Variants in RBM42 observed in about 807,000 individuals in gnomAD.
RBM42 encodes RNA-binding protein 42.
In RBM42, 21 loss-of-function variants were observed where a neutral mutation model predicts 41.4. The observed-to-expected ratio is 0.51, with a 90% CI of 0.36 to 0.73. The LOEUF is 0.73. RBM42 is among the 30% of genes least tolerant of loss of function. The pLI, the probability that RBM42 is intolerant of heterozygous loss-of-function variation, is 0.00. For missense variants in RBM42, 539 were observed against 680.4 expected, an observed-to-expected ratio of 0.79 and a Z score of 2.31; for synonymous variants, 272 against 271.2, an observed-to-expected ratio of 1.00 and a Z score of -0.03.
intron 8 of RBM42, among the ~76,000 whole-genome samples, chr19:35,636,297 T>C (rs1230253663): frequency 1.3e-5 from 2 of 152,130 alleles, no homozygotes; most frequent in African/African-American, 4.8e-5. Context: ...TAGCTGGGAT[T>C]ACAGGCACCC....
At chr19:35,631,468 T>A (rs1185971401) in intron 4 of RBM42, 63 bp downstream of exon 4, 1 of 1,486,708 alleles carries the variant, frequency 6.7e-7, no homozygotes, top group Admixed American at 1.8e-5. Context: ...GACTTCAGCC[T>A]CTTGCCTAAA....
intron 2 of RBM42, among the ~76,000 whole-genome samples, chr19:35,630,501 C>T (rs955017031): frequency 5.3e-5 from 8 of 152,108 alleles, no homozygotes; most frequent in Non-Finnish European, 1.0e-4. Flanking sequence ...GGCACGGTTG[C>T]TCACGCCTGT....
chr19:35,632,913 ACC>A, intron 4 of RBM42, 21 bp from the exon 5 acceptor site: 2 of 1,093,324 alleles, frequency 1.8e-6, no homozygotes, highest in Non-Finnish European at 2.8e-6. Flanking sequence ...CATGACACAC[ACC>A]CCCATCTCTC....
rs1267420358 is a variant in RBM42, at chr19:35,637,273, C to T, written c.1251C>T (p.Arg417=). ...AGGCCAAGGTGATCCGTGACAAGCG[C>T]ACAGGCAAGACCAAGGGCTACGGCT... ...FLKAKVIRDK[R]TGKTKGYGFV... The change falls in exon 9 of 10, where the codon CGC becomes CGT. Residue 417 remains arginine, a synonymous_variant. Coordinates refer to ENST00000262633, the MANE Select transcript of RBM42 (RefSeq NM_024321.5). This position sits in a 1 kb window ranked among gnomAD's most constrained non-coding sequence, Gnocchi z 7.0. 4 of 1,614,106 alleles carry T rather than the reference C, an allele frequency of 2.5e-6. No individual in the cohort carries two copies. The highest frequency in any genetic ancestry group is 2.7e-5 in the African/African-American group (2 of 74,938).
chr19:35,635,578 C>T (rs892761575), intron 8 of RBM42, among the ~76,000 whole-genome samples: 8 of 145,254 alleles, frequency 5.5e-5, no homozygotes, highest in Admixed American at 2.8e-4. Context: ...AGTGCAGTGG[C>T]GCAATCTCGG....
chr19:35,634,086 C>G, intron 7 of RBM42, 67 bp downstream of exon 7: 1 of 1,485,796 alleles, frequency 6.7e-7, no homozygotes, highest in South Asian at 1.3e-5. Context: ...CAGGAACTTC[C>G]ACACAGACAG....
At position 35,631,949 on chromosome 19, in the gene RBM42, A is replaced by G. The variant is rs142860110; in HGVS notation, c.442+544A>G. 484 of 153,442 alleles carry G rather than the reference A, an allele frequency of 3.2e-3. 2 individuals are homozygous for G. Among genetic ancestry groups the G allele is most frequent in the Non-Finnish European group, 4.6e-3 (315 of 69,156 alleles). 9.5% of individuals were successfully genotyped at this position (153,442 alleles called of 1,614,324 possible). A position where few individuals can be genotyped will look rare whatever the true frequency, so the allele number is the denominator to read the frequency against. On this transcript the variant is annotated intron_variant, in intron 4 of 9. Transcript: ENST00000262633. ...TCCCTGCTCACTGTCACCCAGCTGT[A>G]ATCTTCCAGCCATCCTTCCCCCCCA...
rs745531707 is a variant in RBM42 at position 35,633,193 on chromosome 19, C to G, written c.625C>G (p.Pro209Ala). 1.2e-6 allele frequency: 2 copies of G among 1,612,578 alleles called. No homozygotes were observed. The highest frequency in any genetic ancestry group is 8.5e-7 in the Non-Finnish European group (1 of 1,179,258). ...GPPGPPMMLP[P>A]MARAPGPPLG... The stretch of plus-strand genomic sequence containing the variant: ...CCCTGGACCACCCATGATGCTGCCA[C>G]CAATGGCTCGGGCTCCAGGGCCCCC... Residue 209 changes from proline (P) to alanine (A), a missense_variant, in exon 6 of 10, where the codon CCA becomes GCA. Physicochemically the swap from Pro to Ala is conservative, Grantham distance 27. Coordinates refer to ENST00000262633, the MANE Select transcript of RBM42 (RefSeq NM_024321.5).
chr19:35,632,514 A>G lies in RBM42; in HGVS notation c.443-422A>G, dbSNP rs566627845. Among the ~76,000 whole-genome samples, 111 of 152,290 alleles carry G rather than the reference A, an allele frequency of 7.3e-4. No individual in the cohort carries two copies. The Middle Eastern group carries it at 0.02, about 28-fold the overall frequency. On this transcript the variant is annotated intron_variant, in intron 4 of 9. Coordinates refer to ENST00000262633, the MANE Select transcript of RBM42 (RefSeq NM_024321.5). The stretch of plus-strand genomic sequence containing the variant: ...TTCATTGCCCCTTGGGTCTCAGCTC[A>G]CAGGTCCCTTTCTCCAGGAAGCCTT...
At position 35,633,997 on chromosome 19, in the gene RBM42, C is replaced by G; in HGVS notation, c.995C>G (p.Pro332Arg). The G allele has an allele frequency of 6.6e-7, 1 of 1,523,282 alleles. No individual in the cohort carries two copies. The highest frequency in any genetic ancestry group is 8.8e-7 in the Non-Finnish European group (1 of 1,140,818). The allele number at this position is 1,523,282 out of a possible 1,614,324, so 94.4% of individuals were successfully genotyped here. Residue 332 changes from proline to arginine, a missense_variant, in exon 7 of 10, where the codon CCC becomes CGC. Pro to Arg is a moderately radical substitution (Grantham distance 103, BLOSUM62 -2). This residue lies in a region of RBM42 where 429 missense variants were observed against 488.9 expected (regional missense o/e 0.88). Coordinates refer to ENST00000262633, the MANE Select transcript of RBM42 (RefSeq NM_024321.5). ...PRPRPPRPEP[P>R]PGLMALEVPE... ...CCCCGGCCCCCTCGGCCAGAGCCAC[C>G]CCCAGGCCTCATGGCTCTTGAGGTA...
Position 35,633,819 on chromosome 19 carries a change from GC to G in RBM42, c.821del (p.Pro274GlnfsTer83). The G allele has an allele frequency of 7.3e-6, 11 of 1,513,256 alleles. No individual in the cohort carries two copies. The highest frequency in any genetic ancestry group is 9.7e-6 in the Non-Finnish European group (11 of 1,138,130). The allele number at this position is 1,513,256 out of a possible 1,614,324, so 93.7% of individuals were successfully genotyped here. A position where few individuals can be genotyped will look rare whatever the true frequency, so the allele number is the denominator to read the frequency against. Reference sequence around the variant, plus strand: ...GGCTGTGGCCGTGGGGGCAGGAGGTGCCCCAGCTGGCCCTGCAGTCATTGGG... The same window carrying G: ...GGCTGTGGCCGTGGGGGCAGGAGGTGCCCAGCTGGCCCTGCAGTCATTGGG... Reference protein sequence around the residue: ...SAAVAVGAGGAPAGPAVIGPS... With the variant: ...SAAVAVGAGGXPAGPAVIGPS... On this transcript the variant is annotated frameshift_variant, in exon 7 of 10. Transcript: ENST00000262633. LOFTEE classifies it high-confidence loss of function.
intron 2 of RBM42, among the ~76,000 whole-genome samples, chr19:35,629,938 G>A (rs564835552): frequency 6.6e-6 from 1 of 151,248 alleles, no homozygotes; most frequent in Non-Finnish European, 1.5e-5. Context: ...TTAATAGTTC[G>A]TTATTCTCAT....
Position 35,637,642 on chromosome 19 carries a change from C to T in RBM42, c.*88C>T. 1.0e-6 allele frequency: 1 copy of T among 989,362 alleles called. No individual in the cohort carries two copies. Among genetic ancestry groups the T allele is most frequent in the Non-Finnish European group, 1.5e-6 (1 of 655,172 alleles). 61.3% of individuals were successfully genotyped at this position (989,362 alleles called of 1,614,324 possible). On this transcript the variant is annotated 3_prime_UTR_variant, in exon 10 of 10. Transcript: ENST00000262633. This position sits in a 1 kb window ranked among gnomAD's most constrained non-coding sequence, Gnocchi z 7.0. ...GGAAAACCCCCAGCTGTCCACCCAT[C>T]CCCTGCCCCAAAACCAGTTTCAATA... is the stretch of plus-strand genomic sequence containing the variant.
Position 35,629,615 on chromosome 19 carries a change from T to C in RBM42, c.224T>C (p.Met75Thr), listed in dbSNP as rs1265072170. Residue 75 changes from methionine to threonine, a missense_variant, in exon 2 of 10, where the codon ATG (methionine) becomes ACG (threonine). Physicochemically the swap from Met to Thr is moderately conservative, Grantham distance 81 (BLOSUM62 -1). Around this residue, in one of 2 missense-constraint regions of RBM42, gnomAD observed 429 missense variants for 488.9 expected, o/e 0.88. Transcript: ENST00000262633. Reference protein sequence around the residue: ...TVPTVPTVEAMQVPAAPVIRP... With the variant: ...TVPTVPTVEATQVPAAPVIRP... ...CCCACGGTCCCCACAGTAGAAGCGA[T>C]GCAGGTCCCAGCGGCTCCTGTGATC... 4 of 1,614,106 alleles carry C rather than the reference T, an allele frequency of 2.5e-6. No homozygotes were observed. Among genetic ancestry groups the C allele is most frequent in the Middle Eastern group, 3.3e-4 (2 of 6,084 alleles).
intron 8 of RBM42, among the ~76,000 whole-genome samples, chr19:35,634,805 T>C (rs2146352559): frequency 6.6e-6 from 1 of 151,572 alleles, no homozygotes; most frequent in African/African-American, 2.4e-5. Context: ...ATTACAGGCA[T>C]GAGCCACTGT....
chr19:35,633,404 C>G, intron 6 of RBM42, 152 bp downstream of exon 6: 1 of 728,546 alleles, frequency 1.4e-6, no homozygotes, highest in Admixed American at 2.7e-5. Flanking sequence ...CTTTCTGCAT[C>G]TTTCTGTGGC....
In RBM42 at chr19:35,629,051, C is replaced by T; in HGVS notation, c.-103C>T. On this transcript the variant is annotated 5_prime_UTR_variant, in exon 1 of 10. Coordinates refer to ENST00000262633, the MANE Select transcript of RBM42 (RefSeq NM_024321.5). ...AGCGCCCGTCGCTTTTGCTGGACGT[C>T]ATCCTCGGGAGCCCACCCGGACGAA... 1 of 1,429,484 alleles carries T rather than the reference C, an allele frequency of 7.0e-7. No individual in the cohort carries two copies. The highest frequency in any genetic ancestry group is 9.2e-7 in the Non-Finnish European group (1 of 1,090,866). The allele number at this position is 1,429,484 out of a possible 1,614,324, so 88.6% of individuals were successfully genotyped here. A position where few individuals can be genotyped will look rare whatever the true frequency, so the allele number is the denominator to read the frequency against.
At chr19:35,634,055 G>A in intron 7 of RBM42, 36 bp downstream of exon 7, 1 of 1,468,810 alleles carries the variant, frequency 6.8e-7, no homozygotes, top group Non-Finnish European at 9.0e-7. Context: ...GGACAGAAGG[G>A]ACGGGGGGCA....
In RBM42 at chr19:35,633,876, T is replaced by C. The variant is rs1161724732; in HGVS notation, c.874T>C (p.Leu292=). Residue 292 remains leucine (L), a synonymous_variant, in exon 7 of 10, where the codon TTG becomes CTG. Transcript: ENST00000262633. The part of the protein sequence containing the change: ...PSLPLALAMP[L]PEPEPLPLPL... ...CCTGCCGCTGGCCCTGGCCATGCCA[T>C]TGCCCGAGCCTGAGCCCCTGCCCCT... 6.3e-7 allele frequency: 1 copy of C among 1,593,496 alleles called. No individual in the cohort carries two copies. The highest frequency in any genetic ancestry group is 8.5e-7 in the Non-Finnish European group (1 of 1,173,904).
Sources: allele counts gnomAD v4.1 joint callset (sites outside exome capture counted in the v4.1 genomes callset), GRCh38; gene constraint gnomAD v4.1.1; regional missense constraint gnomAD v4.1.1; non-coding constraint Gnocchi (gnomAD v3.1); transcripts MANE v1.5; gene names NCBI Gene and HGNC (gene_info 2026-07-23, HGNC 2026-07-21).